The following HMCN2 variants were observed in gnomAD, a reference collection of about 807,000 sequenced individuals.
HMCN2 encodes the protein hemicentin 2.
A neutral mutation model predicts 377.5 loss-of-function variants in HMCN2; 325 were observed. That is an observed-to-expected ratio of 0.86 (90% CI 0.79 to 0.94). The LOEUF (loss-of-function observed/expected upper bound fraction) is 0.94, where lower values mean the gene tolerates loss of function less well. Ranked by LOEUF, HMCN2 falls within the 40% of genes least tolerant of loss-of-function variation. HMCN2 has a pLI of 0.00. For synonymous variants in HMCN2, 2,007 were observed against 2,046.8 expected, an observed-to-expected ratio of 0.98 and a Z score of 0.53; for missense variants, 4,543 against 4,725.3, an observed-to-expected ratio of 0.96 and a Z score of 1.13.
intron 22 of HMCN2, among the ~76,000 whole-genome samples, chr9:130,334,416 G>A (rs1464974703): frequency 6.6e-6 from 1 of 152,142 alleles, no homozygotes; most frequent in Non-Finnish European, 1.5e-5. Context: ...TTGTCCATCT[G>A]TAAAATGGAT....
Position 130,397,984 on chromosome 9 carries a change from C to CA in HMCN2, c.11326+340dup, listed in dbSNP as rs113975575. Among the ~76,000 whole-genome samples, 793 of 143,286 alleles carry CA rather than the reference C, an allele frequency of 5.5e-3. 4 individuals carry two copies. The highest frequency in any genetic ancestry group is 0.016 in the African/African-American group (612 of 39,184). The allele number at this position is 143,286 out of a possible 152,430, so 94.0% of individuals were successfully genotyped here. ...GCAACATAGTGAGACCCCATCTCTA[C>CA]AAAAAAAAAAATGTTTAAATTAGCC... On this transcript the variant is annotated intron_variant, in intron 74 of 97. Transcript: ENST00000683500.
chr9:130,346,156 G>GCTGGC (rs1839381292), intron 25 of HMCN2, among the ~76,000 whole-genome samples: 1 of 152,070 alleles, frequency 6.6e-6, no homozygotes, highest in African/African-American at 2.4e-5. Context: ...CTGAGTCAGC[G>GCTGGC]CTGGCGGAGG....
At chr9:130,372,234 C>G in intron 46 of HMCN2, 60 bp from the exon 47 acceptor site, 4 of 613,950 alleles carry the variant, frequency 6.5e-6, no homozygotes, top group African/African-American at 2.0e-5. Flanking sequence ...GCAGGGGGCT[C>G]GGCTTGGGAC....
chr9:130,307,447 A>G lies in HMCN2; in HGVS notation c.2087-6A>G, dbSNP rs1554937225. The G allele has an allele frequency of 2.1e-6, 1 of 470,750 alleles. No individual in the cohort carries two copies. Among genetic ancestry groups the G allele is most frequent in the South Asian group, 1.5e-5 (1 of 64,526 alleles). The allele number at this position is 470,750 out of a possible 1,614,324, so 29.2% of individuals were successfully genotyped here. A position where few individuals can be genotyped will look rare whatever the true frequency, so the allele number is the denominator to read the frequency against. ...GTCCCAAATTCTGCATCTCTTCCCC[A>G]CACAGACCCACCGTCGGTCTCTGCT... On this transcript the variant is annotated splice_polypyrimidine_tract_variant and splice_region_variant and intron_variant, in intron 13 of 97. Coordinates refer to ENST00000683500, the MANE Select transcript of HMCN2 (RefSeq NM_001291815.2).
At chr9:130,384,908 A>C in intron 59 of HMCN2, 110 bp downstream of exon 59, 1 of 668,278 alleles carries the variant, frequency 1.5e-6, no homozygotes, top group Non-Finnish European at 2.3e-6. Flanking sequence ...GCACAGGGGG[A>C]GGCTGGGACG....
At chr9:130,400,983 G>A (rs1377369118) in intron 77 of HMCN2, 36 bp downstream of exon 77, 2 of 1,264,218 alleles carry the variant, frequency 1.6e-6, no homozygotes, top group Admixed American at 5.0e-5. Flanking sequence ...AGGCAGCTGA[G>A]GGGAGACTGG....
intron 31 of HMCN2, among the ~76,000 whole-genome samples, chr9:130,354,084 A>T (rs1889251): frequency 0.24 from 36,225 of 152,030 alleles, 4,862 homozygotes; most frequent in East Asian, 0.44. Flanking sequence ...GAAATAGAAA[A>T]TGTGTATGTG....
rs760303619 is a variant in HMCN2, at chr9:130,425,126, T to A, written c.13637T>A (p.Val4546Glu). The change falls in exon 89 of 98, where the codon GTG (valine) becomes GAG (glutamate). Residue 4546 changes from valine to glutamate, a missense_variant. Physicochemically the swap from Val to Glu is moderately radical, Grantham distance 121 (BLOSUM62 -2). Transcript: ENST00000683500. ...PESLADADLQVQDFEEHYVQT... is the reference protein window; with the variant it reads ...PESLADADLQEQDFEEHYVQT... The stretch of plus-strand genomic sequence containing the variant: ...AGCCTGGCTGACGCAGATCTTCAAG[T>A]GCAGGTCGGGGGTCAAGCCCTGGGG... 8 of 1,547,892 alleles carry A rather than the reference T, an allele frequency of 5.2e-6. No individual in the cohort carries two copies. The South Asian group carries it at 9.6e-5, about 18-fold the overall frequency.
rs200661584 is a variant in HMCN2 at position 130,278,069 on chromosome 9, CCAT to C, written c.260-6522_260-6520del. ...ATCATCATTACCACCACCACCACCACCATCATCATCATCACCACCACCACTATC... is the reference window on the plus strand; with the variant it reads ...ATCATCATTACCACCACCACCACCACCATCATCATCACCACCACCACTATC... On this transcript the variant is annotated intron_variant, in intron 1 of 97. Transcript: ENST00000683500. Among the ~76,000 whole-genome samples, 2 of 151,476 alleles carry C rather than the reference CCAT, an allele frequency of 1.3e-5. 1 individual carries two copies. Among genetic ancestry groups the C allele is most frequent in the Non-Finnish European group, 2.9e-5 (2 of 67,810 alleles).
At chr9:130,272,767 A>G (rs575541561) in intron 1 of HMCN2, among the ~76,000 whole-genome samples, 1 of 152,244 alleles carries the variant, frequency 6.6e-6, no homozygotes, top group Admixed American at 6.5e-5. Flanking sequence ...CATATTGCCC[A>G]GGTTGGTCTT....
rs1040934879 is a variant in HMCN2, at chr9:130,379,305, C to T, written c.8269C>T (p.Arg2757Trp). 104 of 985,568 alleles carry T rather than the reference C, an allele frequency of 1.1e-4. 1 individual carries two copies. The highest frequency in any genetic ancestry group is 4.7e-5 in the South Asian group (1 of 21,272). The allele number at this position is 985,568 out of a possible 1,614,324, so 61.1% of individuals were successfully genotyped here. Residue 2757 changes from arginine (R) to tryptophan (W), a missense_variant, in exon 54 of 98, where the codon CGG becomes TGG. Arg to Trp is a moderately radical substitution (Grantham distance 101). Transcript: ENST00000683500. Reference sequence around the variant, plus strand: ...CAGTGCAGCCTTCGAGATCCTGTCCCGGGAGGAGGAGGCCCGGGGCGGAGT... The same window carrying T: ...CAGTGCAGCCTTCGAGATCCTGTCCTGGGAGGAGGAGGCCCGGGGCGGAGT... The part of the protein sequence containing the change: ...DFSAAFEILS[R>W]EEEARGGVTE...
intron 50 of HMCN2, 44 bp downstream of exon 50, chr9:130,375,780 G>A (rs1841345051): frequency 2.0e-6 from 2 of 984,002 alleles, no homozygotes; most frequent in Non-Finnish European, 2.4e-6. Flanking sequence ...CAGGTGACAT[G>A]TCATCAGAAT....
chr9:130,429,777 G>T, intron 94 of HMCN2, 92 bp downstream of exon 94: 8 of 1,446,632 alleles, frequency 5.5e-6, no homozygotes, highest in Non-Finnish European at 7.3e-6. Context: ...TAGTTACGGG[G>T]ACACCCACCC....
In HMCN2 at chr9:130,306,234, G is replaced by A; in HGVS notation, c.1922G>A (p.Trp641Ter). The A allele has an allele frequency of 2.1e-6, 1 of 471,104 alleles. No homozygotes were observed. Among genetic ancestry groups the A allele is most frequent in the South Asian group, 1.5e-5 (1 of 64,568 alleles). 29.2% of individuals were successfully genotyped at this position (471,104 alleles called of 1,614,324 possible). ...ASGYPTPHIS[W>*]SRESQALQED... Reference sequence around the variant, plus strand: ...GGATACCCCACACCCCACATCTCCTGGAGCCGTGAGAGCCAAGCCCTACAA... The same window carrying A: ...GGATACCCCACACCCCACATCTCCTAGAGCCGTGAGAGCCAAGCCCTACAA... Residue 641 changes from tryptophan to a stop codon, truncating the protein, a stop_gained, in exon 12 of 98, where the codon TGG becomes TAG. Coordinates refer to ENST00000683500, the MANE Select transcript of HMCN2 (RefSeq NM_001291815.2). LOFTEE classifies it high-confidence loss of function.
Position 130,296,778 on chromosome 9 carries a change from C to A in HMCN2, c.996C>A (p.Leu332=). 2.1e-6 allele frequency: 1 copy of A among 471,174 alleles called. No homozygotes were observed. Among genetic ancestry groups the A allele is most frequent in the Non-Finnish European group, 4.4e-6 (1 of 227,046 alleles). The allele number at this position is 471,174 out of a possible 1,614,324, so 29.2% of individuals were successfully genotyped here. A position where few individuals can be genotyped will look rare whatever the true frequency, so the allele number is the denominator to read the frequency against. ...TQPLLDLNHT[L]EWPLQGVPIS... ...CCTTGCTGGACCTCAACCACACCCT[C>A]GAGTGGCCCTTGCAAGGTACAGTAC... Residue 332 remains leucine (L), a synonymous_variant, in exon 7 of 98, where the codon CTC becomes CTA. Coordinates refer to ENST00000683500, the MANE Select transcript of HMCN2 (RefSeq NM_001291815.2).
intron 12 of HMCN2, among the ~76,000 whole-genome samples, chr9:130,306,604 C>T (rs1048832444): frequency 7.3e-5 from 11 of 151,532 alleles, no homozygotes; most frequent in African/African-American, 2.4e-4. Context: ...CCACCCCCCA[C>T]CATTCAGGCT....
Position 130,308,927 on chromosome 9 carries a change from G to A in HMCN2, c.2201-985G>A, listed in dbSNP as rs1313619773. Among the ~76,000 whole-genome samples, 1 of 152,218 alleles carries A rather than the reference G, an allele frequency of 6.6e-6. No individual in the cohort carries two copies. Among genetic ancestry groups the A allele is most frequent in the Non-Finnish European group, 1.5e-5 (1 of 68,042 alleles). ...GAGACGAAAAGATGGAGTGGTGTTC[G>A]CCAGGGACTGGGGAGAGGAGAACAC... On this transcript the variant is annotated intron_variant, in intron 14 of 97. Coordinates refer to ENST00000683500, the MANE Select transcript of HMCN2 (RefSeq NM_001291815.2). The surrounding 1 kb of genome is among the most constrained non-coding windows in gnomAD (Gnocchi z 4.1).
At position 130,382,751 on chromosome 9, in the gene HMCN2, G is replaced by T. The variant is rs1841800029; in HGVS notation, c.8618G>T (p.Ser2873Ile). 2.0e-6 allele frequency: 2 copies of T among 985,894 alleles called. No individual in the cohort carries two copies. The highest frequency in any genetic ancestry group is 2.4e-6 in the Non-Finnish European group (2 of 829,976). The allele number at this position is 985,894 out of a possible 1,614,324, so 61.1% of individuals were successfully genotyped here. A position where few individuals can be genotyped will look rare whatever the true frequency, so the allele number is the denominator to read the frequency against. The change falls in exon 56 of 98, where the codon AGC (serine) becomes ATC (isoleucine). Residue 2873 changes from serine (S) to isoleucine (I), a missense_variant. This residue lies in a region of HMCN2 where 736 missense variants were observed against 773.2 expected (regional missense o/e 0.95). Coordinates refer to ENST00000683500, the MANE Select transcript of HMCN2 (RefSeq NM_001291815.2). The part of the protein sequence containing the change: ...EVTVNASSTV[S>I]LQCPALGNPV... ...ACAGTCAATGCCAGCAGCACCGTCA[G>T]CCTGCAGTGCCCGGCCCTGGGAAAC... is the stretch of plus-strand genomic sequence containing the variant.
rs533166586 is a variant in HMCN2, at chr9:130,295,726, A to G, written c.845A>G (p.Lys282Arg). 6.4e-6 allele frequency: 3 copies of G among 471,104 alleles called. No individual in the cohort carries two copies. In the East Asian group the frequency reaches 2.1e-4, roughly 33 times the overall value. 29.2% of individuals were successfully genotyped at this position (471,104 alleles called of 1,614,324 possible). A position where few individuals can be genotyped will look rare whatever the true frequency, so the allele number is the denominator to read the frequency against. ...CTTCTCAACATCCCTGACTCGGCCA[A>G]GGTCGTAGCCTTTAAGCCTGAGCAT... ...NVLLNIPDSA[K>R]VVAFKPEHPG... Residue 282 changes from lysine (K) to arginine (R), a missense_variant, in exon 6 of 98, where the codon AAG becomes AGG. Lys to Arg is a conservative substitution (Grantham distance 26, BLOSUM62 2). Transcript: ENST00000683500.
Sources: gnomAD v4.1 joint callset for allele counts (sites outside exome capture counted in the v4.1 genomes callset) on GRCh38, gnomAD v4.1.1 for gene constraint, gnomAD v4.1.1 regional missense constraint, Gnocchi (gnomAD v3.1) non-coding constraint, MANE v1.5 for transcripts, NCBI Gene and HGNC (gene_info 2026-07-23, HGNC 2026-07-21) for gene names.